Variants in TMEM176B observed in about 807,000 individuals in gnomAD.
The protein encoded by TMEM176B is transmembrane protein 176B, also known as LR8-like protein.
A neutral mutation model predicts 30.3 loss-of-function variants in TMEM176B; 28 were observed. That is an observed-to-expected ratio of 0.92 (90% CI 0.68 to 1.27). The LOEUF (loss-of-function observed/expected upper bound fraction) is 1.27, where lower values mean the gene tolerates loss of function less well. Ranked by LOEUF, TMEM176B falls within the 50% of genes most tolerant of loss-of-function variation. The pLI is 0.00. For synonymous variants in TMEM176B, 123 were observed against 130.3 expected (o/e 0.94, Z 0.38); for missense variants, 349 against 327.4 (o/e 1.07, Z -0.51).
chr7:150,791,872 G>A (rs895504623), intron 6 of TMEM176B, among the ~76,000 whole-genome samples, 184 bp downstream of exon 6: 1 of 152,024 alleles, frequency 6.6e-6, no homozygotes, highest in East Asian at 1.9e-4. Flanking sequence ...GGCGACAGTT[G>A]GCCCAGGACC....
At chr7:150,799,159 T>C (rs1015864397) in intron 1 of TMEM176B, among the ~76,000 whole-genome samples, 1 of 152,262 alleles carries the variant, frequency 6.6e-6, no homozygotes, top group Non-Finnish European at 1.5e-5. Flanking sequence ...TCTGTTGCTG[T>C]CATTCAGATG....
In TMEM176B at chr7:150,793,574, A is replaced by G. The variant is rs1269389375; in HGVS notation, c.342T>C (p.Ile114=). The change falls in exon 4 of 7, where the codon ATT becomes ATC. Residue 114 remains isoleucine (I), a synonymous_variant. Coordinates refer to ENST00000326442, the MANE Select transcript of TMEM176B (RefSeq NM_001101312.2). The part of the protein sequence containing the change: ...SVVIAAGAGA[I]VHEKHPGKLA... Reference sequence around the variant, plus strand: ...GTTTGCCCGGGTGCTTCTCATGGACAATGGCCCCAGCTCCTGCTGCGATCA... The same window carrying G: ...GTTTGCCCGGGTGCTTCTCATGGACGATGGCCCCAGCTCCTGCTGCGATCA... 1.2e-6 allele frequency: 2 copies of G among 1,613,728 alleles called. No individual in the cohort carries two copies. Among genetic ancestry groups the G allele is most frequent in the East Asian group, 2.2e-5 (1 of 44,884 alleles).
At chr7:150,791,793 A>C (rs111780289) in intron 6 of TMEM176B, among the ~76,000 whole-genome samples, 170 bp from the exon 7 acceptor site, 3,115 of 151,860 alleles carry the variant, frequency 0.021, 103 homozygotes, top group African/African-American at 0.07. Context: ...AGTCAGACGA[A>C]CACCTGGGAC....
chr7:150,800,332 C>A lies in TMEM176B; in HGVS notation c.-40G>T, dbSNP rs11546674. The A allele has an allele frequency of 0.45, 68,700 of 152,078 alleles. 16,025 individuals carry two copies. The highest frequency in any genetic ancestry group is 0.5 in the Middle Eastern group (150 of 298). The allele number at this position is 152,078 out of a possible 1,614,324, so 9.4% of individuals were successfully genotyped here. On this transcript the variant is annotated 5_prime_UTR_variant, in exon 1 of 7. Coordinates refer to ENST00000326442, the MANE Select transcript of TMEM176B (RefSeq NM_001101312.2). ...TCCGGGAGCCCGCGGCCGAGCAGAG[C>A]GGACACTAGCTGACCCCGAGCAGGG... is the stretch of plus-strand genomic sequence containing the variant.
chr7:150,792,758 T>C (rs1322349680), intron 5 of TMEM176B, among the ~76,000 whole-genome samples: 1 of 152,182 alleles, frequency 6.6e-6, no homozygotes, highest in Non-Finnish European at 1.5e-5. Flanking sequence ...TGAGAAATAA[T>C]AAGTTGTCAT....
At chr7:150,800,087 G>A (rs906430797) in intron 1 of TMEM176B, 1 of 152,572 alleles carries the variant, frequency 6.6e-6, no homozygotes, top group Non-Finnish European at 1.5e-5. Context: ...GCCAGCCCCA[G>A]GCCTCTCCTC....
intron 4 of TMEM176B, 40 bp downstream of exon 4, chr7:150,793,504 G>T: frequency 1.2e-6 from 2 of 1,607,496 alleles, no homozygotes; most frequent in Middle Eastern, 1.7e-4. Context: ...TTCAGGAGGG[G>T]GTCAGTGAAC....
chr7:150,800,938 A>G, upstream of TMEM176B: 1 of 985,356 alleles, frequency 1.0e-6, no homozygotes, highest in Non-Finnish European at 1.2e-6. Flanking sequence ...CAGGGATGAC[A>G]CTCCAGGAAG....
At position 150,792,177 on chromosome 7, in the gene TMEM176B, T is replaced by C; in HGVS notation, c.601-2A>G. ...GGCACGGATTGCTGTGAACAACTTC[T>C]GGAGATAAGGGAAGAACAAAGATAG... On this transcript the variant is annotated splice_acceptor_variant, in intron 5 of 6. Transcript: ENST00000326442. LOFTEE classifies it high-confidence loss of function. 6.2e-7 allele frequency: 1 copy of C among 1,613,246 alleles called. No homozygotes were observed. Among genetic ancestry groups the C allele is most frequent in the South Asian group, 1.1e-5 (1 of 91,040 alleles).
Position 150,796,392 on chromosome 7 carries a change from T to A in TMEM176B, c.178A>T (p.Ile60Phe). 2 of 1,614,036 alleles carry A rather than the reference T, an allele frequency of 1.2e-6. No individual in the cohort carries two copies. Among genetic ancestry groups the A allele is most frequent in the Non-Finnish European group, 1.7e-6 (2 of 1,179,988 alleles). Residue 60 changes from isoleucine (I) to phenylalanine (F), a missense_variant, in exon 2 of 7, where the codon ATT (isoleucine) becomes TTT (phenylalanine). Ile to Phe is a conservative substitution (Grantham distance 21). Transcript: ENST00000326442. ...PGDTVPSTARIGYEQLALGVT... is the reference protein window; with the variant it reads ...PGDTVPSTARFGYEQLALGVT... ...CCTAGAGCCAGCTGCTCATAACCAATCCTGGCTGTGGAAGGCACAGTGTCC... is the reference window on the plus strand; with the variant it reads ...CCTAGAGCCAGCTGCTCATAACCAAACCTGGCTGTGGAAGGCACAGTGTCC...
intron 5 of TMEM176B, 150 bp from the exon 6 acceptor site, chr7:150,792,325 C>T (rs779556370): frequency 1.1e-5 from 12 of 1,061,236 alleles, no homozygotes; most frequent in South Asian, 1.5e-5. Flanking sequence ...GCTTCCATCC[C>T]GTTGGCTTGT....
intron 1 of TMEM176B, among the ~76,000 whole-genome samples, chr7:150,798,098 C>A (rs1247001941): frequency 1.3e-5 from 2 of 152,140 alleles, no homozygotes; most frequent in Non-Finnish European, 2.9e-5. Flanking sequence ...CAAATTTACA[C>A]ATTTGTGCAA....
At chr7:150,801,106 C>T (rs189750707), upstream of TMEM176B, 141 of 525,464 alleles carry the variant, frequency 2.7e-4, no homozygotes, top group Admixed American at 3.2e-4. Flanking sequence ...GTATCCGGAG[C>T]GCAGCCGGGG....
chr7:150,794,929 AC>A (rs1203825252), intron 2 of TMEM176B, among the ~76,000 whole-genome samples: 1 of 150,836 alleles, frequency 6.6e-6, no homozygotes, highest in African/African-American at 2.4e-5. Context: ...ACACACACAC[AC>A]ACACACACAC....
At chr7:150,800,379 G>C (rs1018422612), upstream of TMEM176B, 3 of 152,374 alleles carry the variant, frequency 2.0e-5, no homozygotes, top group Non-Finnish European at 2.9e-5. Flanking sequence ...GGGCGGAGAC[G>C]GCAGATGCAC....
chr7:150,796,809 A>C, intron 1 of TMEM176B: 9 of 477,786 alleles, frequency 1.9e-5, no homozygotes, highest in East Asian at 3.9e-5. Context: ...AAATACAAAA[A>C]TCCGCACGGT....
intron 2 of TMEM176B, 64 bp downstream of exon 2, chr7:150,796,302 A>G: frequency 6.7e-7 from 1 of 1,487,846 alleles, no homozygotes; most frequent in Non-Finnish European, 9.3e-7. Context: ...ATTTGGCTCT[A>G]TATTTTAATT....
In TMEM176B at chr7:150,793,578, G is replaced by A; in HGVS notation, c.338C>T (p.Ala113Val). ...GCCCGGGTGCTTCTCATGGACAATG[G>A]CCCCAGCTCCTGCTGCGATCACCTG... is the stretch of plus-strand genomic sequence containing the variant. ...GSVVIAAGAG[A>V]IVHEKHPGKL... Residue 113 changes from alanine (A) to valine (V), a missense_variant, in exon 4 of 7, where the codon GCC (alanine) becomes GTC (valine). Transcript: ENST00000326442. The A allele has an allele frequency of 1.2e-6, 2 of 1,613,554 alleles. No individual in the cohort carries two copies. The highest frequency in any genetic ancestry group is 1.7e-5 in the Admixed American group (1 of 59,962).
chr7:150,801,095 G>A (rs1019997440), upstream of TMEM176B: 8 of 629,132 alleles, frequency 1.3e-5, no homozygotes, highest in Non-Finnish European at 1.6e-5. Flanking sequence ...CGGGGATGGG[G>A]GTATCCGGAG....
Sources: gnomAD v4.1 joint callset for allele counts (sites outside exome capture counted in the v4.1 genomes callset) on GRCh38, gnomAD v4.1.1 for gene constraint, MANE v1.5 for transcripts, NCBI Gene and HGNC (gene_info 2026-07-23, HGNC 2026-07-21) for gene names.